ADPRHL1: variants seen among roughly 807,000 people sequenced by gnomAD.
ADPRHL1 encodes the protein ADP-ribosylhydrolase like 1.
Under a neutral mutation model 44.1 loss-of-function variants are expected in ADPRHL1, and 43 were observed. The observed-to-expected ratio is 0.98, with a 90% CI of 0.76 to 1.26. The LOEUF (loss-of-function observed/expected upper bound fraction) is 1.26. Ranked by LOEUF, ADPRHL1 falls within the 50% of genes most tolerant of loss-of-function variation. The pLI, the probability that ADPRHL1 is intolerant of heterozygous loss-of-function variation, is 0.00. For synonymous variants in ADPRHL1, 878 were observed against 1,017.4 expected (o/e 0.86, Z 2.61); for missense variants, 2,022 against 2,496.9 (o/e 0.81, Z 4.05).
In ADPRHL1 at chr13:113,441,835, G is replaced by A. The variant is rs189523516; in HGVS notation, c.379+2590C>T. 3.2e-4 allele frequency among the ~76,000 whole-genome samples: 49 copies of A among 151,858 alleles called. No individual in the cohort carries two copies. Among genetic ancestry groups the A allele is most frequent in the Middle Eastern group, 3.4e-3 (1 of 292 alleles). On this transcript the variant is annotated intron_variant, in intron 2 of 7. Coordinates refer to ENST00000612156, the MANE Select transcript of ADPRHL1 (RefSeq NM_001394807.1). This position sits in a 1 kb window ranked among gnomAD's most constrained non-coding sequence, Gnocchi z 6.0. ...CCACACGGGTCCGTGTCTCTGTCAC[G>A]TTGTGTCCCGCCGCGTGGGTCCGTG... is the stretch of plus-strand genomic sequence containing the variant.
chr13:113,438,173 G>C (rs2044074372), intron 2 of ADPRHL1, among the ~76,000 whole-genome samples: 1 of 152,138 alleles, frequency 6.6e-6, no homozygotes, highest in Admixed American at 6.5e-5. Context: ...GGTTTCCAGA[G>C]TCAGAGTGGT....
rs762576152 is a variant in ADPRHL1, at chr13:113,422,834, T to C, written c.1053A>G (p.Thr351=). 4 of 1,612,904 alleles carry C rather than the reference T, an allele frequency of 2.5e-6. No individual in the cohort carries two copies. The highest frequency in any genetic ancestry group is 3.4e-6 in the Non-Finnish European group (4 of 1,179,966). Residue 351 remains threonine (T), a synonymous_variant, in exon 7 of 8, where the codon ACA becomes ACG. Transcript: ENST00000612156. The part of the protein sequence containing the change: ...DLGAALYRLS[T]EENRKSSKTC... ...GGCAGAAATGGCTTTACTTCTCCTCTGTGGACAGGCGGTAGAGAGCCGCGC... is the reference window on the plus strand; with the variant it reads ...GGCAGAAATGGCTTTACTTCTCCTCCGTGGACAGGCGGTAGAGAGCCGCGC...
At chr13:113,408,445 A>G (rs548107108) in intron 7 of ADPRHL1, among the ~76,000 whole-genome samples, 5 of 152,314 alleles carry the variant, frequency 3.3e-5, no homozygotes, top group African/African-American at 1.2e-4. Context: ...TTCCTGTTAA[A>G]TGGCAGGAAC....
intron 7 of ADPRHL1, among the ~76,000 whole-genome samples, chr13:113,417,666 C>T (rs1240303708): frequency 6.6e-6 from 1 of 151,460 alleles, no homozygotes; most frequent in African/African-American, 2.4e-5. Flanking sequence ...CTTTGAGACT[C>T]ATGTGAATGC....
intron 7 of ADPRHL1, among the ~76,000 whole-genome samples, chr13:113,418,990 C>CCCTCCCTCCCTTCCTT: frequency 6.8e-6 from 1 of 147,466 alleles, no homozygotes; most frequent in Non-Finnish European, 1.5e-5. Context: ...TTCCCTCCCT[C>CCCTCCCTCCCTTCCTT]CCTCCCTCCC....
intron 3 of ADPRHL1, among the ~76,000 whole-genome samples, chr13:113,432,719 C>A (rs985949227): frequency 6.6e-6 from 1 of 151,336 alleles, no homozygotes; most frequent in African/African-American, 2.4e-5. Flanking sequence ...TTGCTCACCG[C>A]TGTTCTCACG....
Position 113,405,124 on chromosome 13 carries a change from C to T in ADPRHL1, c.4158G>A (p.Gln1386=). 8.1e-7 allele frequency: 1 copy of T among 1,232,248 alleles called. No individual in the cohort carries two copies. The highest frequency in any genetic ancestry group is 1.0e-6 in the Non-Finnish European group (1 of 988,348). 76.3% of individuals were successfully genotyped at this position (1,232,248 alleles called of 1,614,324 possible). ...DLGRQQSHQA[Q]EETPQPGDAG... ...CATCCCCGGGCTGGGGGGTCTCCTCCTGTGCCTGGTGACTCTGTTGCCTCC... is the reference window on the plus strand; with the variant it reads ...CATCCCCGGGCTGGGGGGTCTCCTCTTGTGCCTGGTGACTCTGTTGCCTCC... Residue 1386 remains glutamine, a synonymous_variant, in exon 8 of 8, where the codon CAG becomes CAA. Transcript: ENST00000612156.
intron 1 of ADPRHL1, among the ~76,000 whole-genome samples, chr13:113,447,966 G>A (rs903778922): frequency 6.6e-6 from 1 of 152,106 alleles, no homozygotes; most frequent in Non-Finnish European, 1.5e-5. Flanking sequence ...TTTTATTCTG[G>A]AATTAGACAT....
chr13:113,421,144 G>A (rs925158067), intron 7 of ADPRHL1, among the ~76,000 whole-genome samples: 4 of 82,724 alleles, frequency 4.8e-5, no homozygotes, highest in Non-Finnish European at 9.2e-5. Context: ...CCCGGGACAC[G>A]CACATCCCCA....
At position 113,412,773 on chromosome 13, in the gene ADPRHL1, C is replaced by T. The variant is rs868476113; in HGVS notation, c.1062-4553G>A. Among the ~76,000 whole-genome samples, 756 of 138,756 alleles carry T rather than the reference C, an allele frequency of 5.4e-3. 7 individuals carry two copies. Among genetic ancestry groups the T allele is most frequent in the African/African-American group, 0.017 (602 of 36,046 alleles). The allele number at this position is 138,756 out of a possible 152,430, so 91.0% of individuals were successfully genotyped here. The stretch of plus-strand genomic sequence containing the variant: ...AGCTCGGTTCACCCACCGCCAACAG[C>T]GCCCCGCAGAACTCGGTTCACCCAC... On this transcript the variant is annotated intron_variant, in intron 7 of 7. Coordinates refer to ENST00000612156, the MANE Select transcript of ADPRHL1 (RefSeq NM_001394807.1).
Position 113,444,588 on chromosome 13 carries a change from G to A in ADPRHL1, c.216C>T (p.Asp72=). ...HIATAEALTT[D]YWCLDDLYRE... ...GGTACAGATCATCCAGGCACCAGTA[G>A]TCTGCGGAAGAAAGGGAGGGCAGAC... Residue 72 remains aspartate, a splice_region_variant and synonymous_variant, in exon 2 of 8, where the codon GAC becomes GAT. Transcript: ENST00000612156. The A allele has an allele frequency of 1.2e-6, 2 of 1,613,120 alleles. No homozygotes were observed. Among genetic ancestry groups the A allele is most frequent in the Non-Finnish European group, 1.7e-6 (2 of 1,179,258 alleles).
rs2044096746 is a variant in ADPRHL1, at chr13:113,441,291, G to C, written c.379+3134C>G. ...TGGCGTCATTATTATTATCTTGTTT[G>C]TTTTCTACCTGTACTGTCTAGTATT... On this transcript the variant is annotated intron_variant, in intron 2 of 7. Coordinates refer to ENST00000612156, the MANE Select transcript of ADPRHL1 (RefSeq NM_001394807.1). The surrounding 1 kb of genome is among the most constrained non-coding windows in gnomAD (Gnocchi z 6.0). Among the ~76,000 whole-genome samples, 1 of 152,168 alleles carries C rather than the reference G, an allele frequency of 6.6e-6. No homozygotes were observed. Among genetic ancestry groups the C allele is most frequent in the Non-Finnish European group, 1.5e-5 (1 of 68,018 alleles).
At chr13:113,448,288 T>C (rs2044155620) in intron 1 of ADPRHL1, among the ~76,000 whole-genome samples, 1 of 150,578 alleles carries the variant, frequency 6.6e-6, no homozygotes, top group African/African-American at 2.4e-5. Flanking sequence ...AGGTCAGGAG[T>C]TCGAGACCAG....
Position 113,409,648 on chromosome 13 carries a change from A to C in ADPRHL1, c.1062-1428T>G. 1 of 979,550 alleles carries C rather than the reference A, an allele frequency of 1.0e-6. No homozygotes were observed. The highest frequency in any genetic ancestry group is 1.2e-6 in the Non-Finnish European group (1 of 824,682). The allele number at this position is 979,550 out of a possible 1,614,324, so 60.7% of individuals were successfully genotyped here. A position where few individuals can be genotyped will look rare whatever the true frequency, so the allele number is the denominator to read the frequency against. On this transcript the variant is annotated intron_variant, in intron 7 of 7. Transcript: ENST00000612156. The surrounding 1 kb of genome is among the most constrained non-coding windows in gnomAD (Gnocchi z 4.2). ...GCCTGTAATCTCAGCGTGATTTGGG[A>C]GGCCGAGGCTGGCAGATCACGAGGT... is the stretch of plus-strand genomic sequence containing the variant.
At chr13:113,429,211 C>G in intron 3 of ADPRHL1, 119 bp from the exon 4 acceptor site, 1 of 1,356,452 alleles carries the variant, frequency 7.4e-7, no homozygotes, top group Non-Finnish European at 1.0e-6. Flanking sequence ...CCGTCTTTCC[C>G]ATGTTCAGGT....
chr13:113,408,302 T>G (rs1252749295), intron 7 of ADPRHL1, 82 bp from the exon 8 acceptor site: 4 of 1,222,828 alleles, frequency 3.3e-6, no homozygotes, highest in Non-Finnish European at 4.1e-6. Context: ...CATGGGGCAA[T>G]CCCACCTTTT....
intron 2 of ADPRHL1, among the ~76,000 whole-genome samples, chr13:113,443,227 T>C (rs2044111174): frequency 6.6e-6 from 1 of 152,216 alleles, no homozygotes; most frequent in African/African-American, 2.4e-5. Flanking sequence ...CTGGATATTT[T>C]TATATTCCTA....
In ADPRHL1 at chr13:113,422,980, CT is replaced by C. The variant is rs780692604; in HGVS notation, c.908-2del. The C allele has an allele frequency of 3.7e-6, 6 of 1,612,738 alleles. No homozygotes were observed. In the South Asian group the frequency reaches 6.6e-5, roughly 18 times the overall value. ...ATGGTGCCCGTGGCCGCGCTCTCCC[CT>C]GAAACGCAAAGGCAGCAGTTGCAGT... On this transcript the variant is annotated splice_acceptor_variant, in intron 6 of 7. Coordinates refer to ENST00000612156, the MANE Select transcript of ADPRHL1 (RefSeq NM_001394807.1). LOFTEE classifies it high-confidence loss of function.
In ADPRHL1 at chr13:113,407,747, G is replaced by A. The variant is rs988955557; in HGVS notation, c.1535C>T (p.Ala512Val). 3.1e-5 allele frequency: 38 copies of A among 1,232,130 alleles called. No homozygotes were observed. The highest frequency in any genetic ancestry group is 2.0e-5 in the Non-Finnish European group (20 of 988,062). 76.3% of individuals were successfully genotyped at this position (1,232,130 alleles called of 1,614,324 possible). A position where few individuals can be genotyped will look rare whatever the true frequency, so the allele number is the denominator to read the frequency against. The change falls in exon 8 of 8, where the codon GCC becomes GTC. Residue 512 changes from alanine (A) to valine (V), a missense_variant. Ala to Val is a moderately conservative substitution (Grantham distance 64). Coordinates refer to ENST00000612156, the MANE Select transcript of ADPRHL1 (RefSeq NM_001394807.1). ...TTTCTCCTTCGCCTCCTTCTCCTCGGCGGCCAAGAATATCTTCAGGATGTT... is the reference window on the plus strand; with the variant it reads ...TTTCTCCTTCGCCTCCTTCTCCTCGACGGCCAAGAATATCTTCAGGATGTT... ...VKNILKIFLAAEEKEAKEKEA... is the reference protein window; with the variant it reads ...VKNILKIFLAVEEKEAKEKEA...
Sources: allele counts gnomAD v4.1 joint callset (sites outside exome capture counted in the v4.1 genomes callset), GRCh38; gene constraint gnomAD v4.1.1; non-coding constraint Gnocchi (gnomAD v3.1); transcripts MANE v1.5; gene names NCBI Gene and HGNC (gene_info 2026-07-23, HGNC 2026-07-21).